SLC25A36: variants seen among roughly 807,000 people sequenced by gnomAD.
The protein encoded by SLC25A36 is epididymis secretory sperm binding protein.
In SLC25A36, 24 loss-of-function variants were observed where a neutral mutation model predicts 35.3. The ratio of observed to expected loss-of-function variants is 0.68; its 90% confidence interval spans 0.49 to 0.96. SLC25A36 has a LOEUF of 0.96. SLC25A36 is among the 40% of genes least tolerant of loss of function. The pLI, the probability that SLC25A36 is intolerant of heterozygous loss-of-function variation, is 0.00. For missense variants in SLC25A36, 294 were observed against 381.1 expected, an observed-to-expected ratio of 0.77 and a Z score of 1.90; for synonymous variants, 141 against 132.2, an observed-to-expected ratio of 1.07 and a Z score of -0.46.
chr3:140,960,846 A>G lies in SLC25A36; in HGVS notation c.284+1306A>G, dbSNP rs549608159. 5.3e-5 allele frequency among the ~76,000 whole-genome samples: 8 copies of G among 152,256 alleles called. No individual in the cohort carries two copies. The South Asian group carries it at 6.2e-4, about 12-fold the overall frequency. On this transcript the variant is annotated intron_variant, in intron 3 of 6. Coordinates refer to ENST00000324194, the MANE Select transcript of SLC25A36 (RefSeq NM_001104647.3). ...AATAACTAAAGGAACAACCAAAGGA[A>G]CTAGCAGTTAGAAAGGGGAAGATCT...
intron 1 of SLC25A36, among the ~76,000 whole-genome samples, chr3:140,948,295 G>A (rs931360922): frequency 2.0e-5 from 3 of 151,856 alleles, no homozygotes; most frequent in African/African-American, 7.3e-5. Context: ...TTTAAGTTTG[G>A]CTAGCATTTT....
chr3:140,979,942 T>C lies in SLC25A36; in HGVS notation c.*3489T>C, dbSNP rs191758790. 21 of 152,352 alleles carry C rather than the reference T, an allele frequency of 1.4e-4. No individual in the cohort carries two copies. Among genetic ancestry groups the C allele is most frequent in the Non-Finnish European group, 2.4e-4 (16 of 68,028 alleles). 9.4% of individuals were successfully genotyped at this position (152,352 alleles called of 1,614,324 possible). A position where few individuals can be genotyped will look rare whatever the true frequency, so the allele number is the denominator to read the frequency against. ...AAATTAAAATACGCTCATGAAAATA[T>C]GGCTTTTTCTGTAATATATCAACAT... On this transcript the variant is annotated 3_prime_UTR_variant, in exon 7 of 7. Transcript: ENST00000324194.
intron 6 of SLC25A36, among the ~76,000 whole-genome samples, chr3:140,975,134 A>C (rs891870849): frequency 3.3e-4 from 9 of 27,004 alleles, no homozygotes; most frequent in African/African-American, 6.0e-4. Context: ...TTTTGATAGG[A>C]TCTCACTGTG....
At chr3:140,952,176 C>T (rs926399410) in intron 1 of SLC25A36, among the ~76,000 whole-genome samples, 3 of 152,058 alleles carry the variant, frequency 2.0e-5, no homozygotes, top group African/African-American at 7.2e-5. Flanking sequence ...ACCACCAGGC[C>T]CAGCTAATTT....
In SLC25A36 at chr3:140,976,552, T is replaced by A. The variant is rs773638819; in HGVS notation, c.*99T>A. On this transcript the variant is annotated 3_prime_UTR_variant, in exon 7 of 7. Transcript: ENST00000324194. ...CATGGCAGACAGAAGAAAAATAGTT[T>A]GGGAACATGTAACTATTCTAAGTGG... is the stretch of plus-strand genomic sequence containing the variant. The A allele has an allele frequency of 1.9e-4, 192 of 998,334 alleles. No homozygotes were observed. Among genetic ancestry groups the A allele is most frequent in the Non-Finnish European group, 2.6e-4 (186 of 707,552 alleles). The allele number at this position is 998,334 out of a possible 1,614,324, so 61.8% of individuals were successfully genotyped here. A position where few individuals can be genotyped will look rare whatever the true frequency, so the allele number is the denominator to read the frequency against.
rs1279592004 is a variant in SLC25A36, at chr3:140,978,799, GAC to G, written c.*2348_*2349del. 1 of 152,174 alleles carries G rather than the reference GAC, an allele frequency of 6.6e-6. No individual in the cohort carries two copies. The highest frequency in any genetic ancestry group is 1.9e-4 in the East Asian group (1 of 5,188). 9.4% of individuals were successfully genotyped at this position (152,174 alleles called of 1,614,324 possible). On this transcript the variant is annotated 3_prime_UTR_variant, in exon 7 of 7. Transcript: ENST00000324194. ...GCACAATCTGCAATAGTTTATGTAT[GAC>G]AGAGATAATTCAAAAAGGAAAACTA...
intron 2 of SLC25A36, 105 bp downstream of exon 2, chr3:140,956,796 C>A (rs573738018): frequency 9.1e-6 from 13 of 1,433,006 alleles, no homozygotes; most frequent in East Asian, 7.2e-5. Context: ...TTTTTATAAA[C>A]CTATTTACAG....
chr3:140,941,944 C>T lies in SLC25A36; in HGVS notation c.-111C>T. 1.6e-6 allele frequency: 1 copy of T among 622,170 alleles called. No homozygotes were observed. The highest frequency in any genetic ancestry group is 2.7e-6 in the Non-Finnish European group (1 of 367,646). 38.5% of individuals were successfully genotyped at this position (622,170 alleles called of 1,614,324 possible). On this transcript the variant is annotated 5_prime_UTR_variant, in exon 1 of 7. Coordinates refer to ENST00000324194, the MANE Select transcript of SLC25A36 (RefSeq NM_001104647.3). ...CAGCCGCATCTCGGCCAGCTCTCCT[C>T]GCCGTCCCCGGGGCGCTGTGCGTCT...
intron 6 of SLC25A36, among the ~76,000 whole-genome samples, chr3:140,975,094 A>ATTTTT (rs1272903563): frequency 1.8e-3 from 44 of 24,206 alleles, no homozygotes; most frequent in South Asian, 8.1e-3. Context: ...AACAAGATAC[A>ATTTTT]TTCTTTTTTT....
intron 1 of SLC25A36, among the ~76,000 whole-genome samples, chr3:140,953,773 A>G (rs1362392026): frequency 6.6e-6 from 1 of 152,162 alleles, no homozygotes; most frequent in East Asian, 1.9e-4. Context: ...TTTGTGCAAC[A>G]TAGCAAGACC....
intron 5 of SLC25A36, among the ~76,000 whole-genome samples, chr3:140,971,440 A>G (rs559500203): frequency 2.0e-5 from 3 of 152,222 alleles, no homozygotes; most frequent in Non-Finnish European, 4.4e-5. Flanking sequence ...GACAGTTCTC[A>G]TATATCGTCT....
chr3:140,954,618 C>T (rs991144593), intron 1 of SLC25A36, among the ~76,000 whole-genome samples: 1 of 152,154 alleles, frequency 6.6e-6, no homozygotes, highest in Admixed American at 6.5e-5. Flanking sequence ...CTTTGCATTT[C>T]CCTGATGACA....
intron 2 of SLC25A36, among the ~76,000 whole-genome samples, chr3:140,958,145 C>T (rs899258208): frequency 6.6e-6 from 1 of 152,166 alleles, no homozygotes; most frequent in Non-Finnish European, 1.5e-5. Flanking sequence ...AGTCTGGCTA[C>T]TCAGTTCAGG....
Position 140,970,944 on chromosome 3 carries a change from GCAAC to G in SLC25A36, c.409_412del (p.Asn137ProfsTer5). ...TTGTTTAGGTTTTACTGCAATCACA[GCAAC>G]CAACCCCATTTGGCTTATAAAGACT... On this transcript the variant is annotated frameshift_variant, in exon 5 of 7. Coordinates refer to ENST00000324194, the MANE Select transcript of SLC25A36 (RefSeq NM_001104647.3). LOFTEE classifies it high-confidence loss of function. 1 of 1,520,210 alleles carries G rather than the reference GCAAC, an allele frequency of 6.6e-7. No individual in the cohort carries two copies. Among genetic ancestry groups the G allele is most frequent in the Non-Finnish European group, 9.1e-7 (1 of 1,096,028 alleles). The allele number at this position is 1,520,210 out of a possible 1,614,324, so 94.2% of individuals were successfully genotyped here.
intron 1 of SLC25A36, among the ~76,000 whole-genome samples, chr3:140,946,590 C>G (rs1934172774): frequency 6.6e-6 from 1 of 152,174 alleles, no homozygotes; most frequent in African/African-American, 2.4e-5. Flanking sequence ...TGGTTGAATT[C>G]TAGTTAGACT....
chr3:140,948,656 C>G (rs1395579771), intron 1 of SLC25A36, among the ~76,000 whole-genome samples: 1 of 152,142 alleles, frequency 6.6e-6, no homozygotes, highest in Non-Finnish European at 1.5e-5. Context: ...ATATTGTTGA[C>G]CTCATCAGAA....
chr3:140,956,701 T>C lies in SLC25A36; in HGVS notation c.206+10T>C. The stretch of plus-strand genomic sequence containing the variant: ...CTCTTCATTGCCTAAAGTGAGAGCA[T>C]AGTATTCAGGAGTGTTTTTTAGTTT... On this transcript the variant is annotated intron_variant, in intron 2 of 6. Transcript: ENST00000324194. 2 of 1,600,934 alleles carry C rather than the reference T, an allele frequency of 1.2e-6. No homozygotes were observed. Among genetic ancestry groups the C allele is most frequent in the South Asian group, 1.1e-5 (1 of 88,740 alleles).
chr3:140,963,003 T>G, intron 3 of SLC25A36, 124 bp from the exon 4 acceptor site: 442 of 515,500 alleles, frequency 8.6e-4, no homozygotes, highest in East Asian at 1.6e-3. Context: ...TAATGTTACA[T>G]GAGAATGTGG....
At chr3:140,952,080 A>G (rs904651903) in intron 1 of SLC25A36, among the ~76,000 whole-genome samples, 3 of 150,614 alleles carry the variant, frequency 2.0e-5, no homozygotes, top group Admixed American at 1.3e-4. Flanking sequence ...GCAGTGGCAC[A>G]ATCTCGGCTC....
Sources: allele counts gnomAD v4.1 joint callset (sites outside exome capture counted in the v4.1 genomes callset), GRCh38; gene constraint gnomAD v4.1.1; transcripts MANE v1.5; gene names NCBI Gene and HGNC (gene_info 2026-07-23, HGNC 2026-07-21).